The following FMN2 variants were observed in gnomAD, a reference collection of about 807,000 sequenced individuals.
The protein encoded by FMN2 is formin-2.
A neutral mutation model predicts 142.3 loss-of-function variants in FMN2; 51 were observed. The observed-to-expected ratio is 0.36, with a 90% CI of 0.29 to 0.45. The LOEUF (loss-of-function observed/expected upper bound fraction) is 0.45, where lower values mean the gene tolerates loss of function less well. FMN2 is among the 20% of genes least tolerant of loss of function. The probability of loss-of-function intolerance (pLI) is 1.00; values close to 1 mark genes in which losing one functional copy is unlikely to be tolerated. For synonymous variants in FMN2, 882 were observed against 869.8 expected (o/e 1.01, Z -0.25); for missense variants, 1,936 against 2,122.8 (o/e 0.91, Z 1.73).
In FMN2 at chr1:240,222,014, AT is replaced by A. The variant is rs71170722; in HGVS notation, c.4065+10795del. Among the ~76,000 whole-genome samples, 728 of 129,728 alleles carry A rather than the reference AT, an allele frequency of 5.6e-3. 5 individuals are homozygous for A. The highest frequency in any genetic ancestry group is 0.028 in the South Asian group (111 of 3,910). The allele number at this position is 129,728 out of a possible 152,430, so 85.1% of individuals were successfully genotyped here. A position where few individuals can be genotyped will look rare whatever the true frequency, so the allele number is the denominator to read the frequency against. On this transcript the variant is annotated intron_variant, in intron 6 of 17. Coordinates refer to ENST00000319653, the MANE Select transcript of FMN2 (RefSeq NM_020066.5). ...AGGTGCCCACCAACACACCCAGCTA[AT>A]TTTTTTTTTTTTTTTGTATTTTTAG...
chr1:240,094,989 A>G (rs1424845215), intron 1 of FMN2, among the ~76,000 whole-genome samples: 1 of 152,160 alleles, frequency 6.6e-6, no homozygotes, highest in African/African-American at 2.4e-5. Context: ...CATTCATTTC[A>G]CATACTCTTA....
chr1:240,219,684 T>C (rs1667034471), intron 6 of FMN2, among the ~76,000 whole-genome samples: 1 of 152,112 alleles, frequency 6.6e-6, no homozygotes, highest in African/African-American at 2.4e-5. Context: ...AGACGGGGTC[T>C]CACTCTGTCT....
chr1:240,363,894 C>A (rs1466206018), intron 14 of FMN2, among the ~76,000 whole-genome samples: 2 of 152,090 alleles, frequency 1.3e-5, no homozygotes, highest in African/African-American at 4.8e-5. Flanking sequence ...GCTGCAGGAG[C>A]AAGCCTGGGA....
At position 240,344,291 on chromosome 1, in the gene FMN2, C is replaced by A. The variant is rs539305785; in HGVS notation, c.4765+10062C>A. ...GTAACTGTTTAGAATTTTCTGTAAT[C>A]TATGTATAAATGCTTCTTAATAAAA... On this transcript the variant is annotated intron_variant, in intron 13 of 17. Coordinates refer to ENST00000319653, the MANE Select transcript of FMN2 (RefSeq NM_020066.5). Among the ~76,000 whole-genome samples the A allele has an allele frequency of 2.0e-5, 3 of 152,300 alleles. No homozygotes were observed. The South Asian group carries it at 6.2e-4, about 32-fold the overall frequency.
At chr1:240,098,108 T>TTTTTTTTTTTTTTTTTC (rs1661282173) in intron 1 of FMN2, among the ~76,000 whole-genome samples, 1 of 146,656 alleles carries the variant, frequency 6.8e-6, no homozygotes, top group African/African-American at 2.6e-5. Context: ...TTTTTTTTTT[T>TTTTTTTTTTTTTTTTTC]TTTTTTTTTT....
chr1:240,270,148 A>G (rs988222155), intron 7 of FMN2, among the ~76,000 whole-genome samples: 19 of 152,080 alleles, frequency 1.2e-4, no homozygotes, highest in African/African-American at 4.6e-4. Flanking sequence ...ACCATTGAGT[A>G]TCCTGTTAGC....
In FMN2 at chr1:240,229,844, C is replaced by T. The variant is rs571172678; in HGVS notation, c.4065+18609C>T. Among the ~76,000 whole-genome samples the T allele has an allele frequency of 6.2e-5, 8 of 129,668 alleles. 1 individual carries two copies. Among genetic ancestry groups the T allele is most frequent in the Non-Finnish European group, 1.3e-4 (8 of 62,436 alleles). 85.1% of individuals were successfully genotyped at this position (129,668 alleles called of 152,430 possible). ...GTATTTTAGTAGAGACAGGGTTTCA[C>T]CATGTTGGTCAGGCTGGTCTCGAAC... On this transcript the variant is annotated intron_variant, in intron 6 of 17. Transcript: ENST00000319653.
chr1:240,272,804 T>C (rs1669064477), intron 7 of FMN2, among the ~76,000 whole-genome samples: 1 of 152,206 alleles, frequency 6.6e-6, no homozygotes, highest in South Asian at 2.1e-4. Context: ...TGCTGTTGAC[T>C]ATCTTGCATC....
chr1:240,151,246 T>C (rs1267014867), intron 2 of FMN2, among the ~76,000 whole-genome samples: 1 of 152,206 alleles, frequency 6.6e-6, no homozygotes, highest in Non-Finnish European at 1.5e-5. Flanking sequence ...GGCTATATAG[T>C]CTACTAATGG....
chr1:240,203,926 C>T (rs1297642584), intron 4 of FMN2, among the ~76,000 whole-genome samples: 1 of 152,004 alleles, frequency 6.6e-6, no homozygotes, highest in Non-Finnish European at 1.5e-5. Context: ...ACACAAAATA[C>T]AAACTGTGCA....
intron 13 of FMN2, among the ~76,000 whole-genome samples, chr1:240,354,516 TA>T (rs1184931078): frequency 6.6e-6 from 1 of 152,140 alleles, no homozygotes; most frequent in Non-Finnish European, 1.5e-5. Flanking sequence ...AGATACAGGT[TA>T]GAAATTCTCC....
intron 1 of FMN2, among the ~76,000 whole-genome samples, chr1:240,111,766 C>T (rs945674658): frequency 2.6e-5 from 4 of 152,070 alleles, no homozygotes; most frequent in Non-Finnish European, 5.9e-5. Context: ...CTCATTTTAC[C>T]CAGCCTCTAT....
chr1:240,362,584 C>T (rs1229761192), intron 14 of FMN2, among the ~76,000 whole-genome samples: 1 of 152,012 alleles, frequency 6.6e-6, no homozygotes. Flanking sequence ...AACATATTAT[C>T]GCTGAACTAT....
intron 7 of FMN2, among the ~76,000 whole-genome samples, chr1:240,282,749 G>A (rs1472257924): frequency 6.6e-6 from 1 of 152,284 alleles, no homozygotes; most frequent in South Asian, 2.1e-4. Context: ...TCTTATCATC[G>A]AGTGTAAAAT....
chr1:240,350,141 A>T (rs1572218792), intron 13 of FMN2, among the ~76,000 whole-genome samples: 1 of 152,222 alleles, frequency 6.6e-6, no homozygotes, highest in Non-Finnish European at 1.5e-5. Context: ...TACAAAATAT[A>T]TGAGAGTTAT....
chr1:240,377,508 C>T (rs998682888), intron 14 of FMN2, among the ~76,000 whole-genome samples: 15 of 152,112 alleles, frequency 9.9e-5, no homozygotes, highest in Non-Finnish European at 1.9e-4. Flanking sequence ...ATTATATTAG[C>T]AGTGCTGTGT....
rs147096341 is a variant in FMN2 at position 240,263,950 on chromosome 1, A to G, written c.4153+5918A>G. ...TTTCTATCCTGTTTAAACATGATTT[A>G]TGAAAATCATATATCTTAAAATTTA... is the stretch of plus-strand genomic sequence containing the variant. On this transcript the variant is annotated intron_variant, in intron 7 of 17. Coordinates refer to ENST00000319653, the MANE Select transcript of FMN2 (RefSeq NM_020066.5). Among the ~76,000 whole-genome samples, 1,247 of 152,306 alleles carry G rather than the reference A, an allele frequency of 8.2e-3. 20 individuals are homozygous for G. The highest frequency in any genetic ancestry group is 0.028 in the African/African-American group (1,164 of 41,564).
At chr1:240,348,141 C>G (rs544111338) in intron 13 of FMN2, among the ~76,000 whole-genome samples, 1 of 152,056 alleles carries the variant, frequency 6.6e-6, no homozygotes, top group Non-Finnish European at 1.5e-5. Flanking sequence ...TCCACAGTGG[C>G]TGGACTAATT....
chr1:240,260,018 C>T (rs143945232), intron 7 of FMN2, among the ~76,000 whole-genome samples: 17 of 152,250 alleles, frequency 1.1e-4, no homozygotes, highest in African/African-American at 3.9e-4. Context: ...TTTTCCATTC[C>T]TGAGTTACTT....
Sources: gnomAD v4.1 joint callset for allele counts (sites outside exome capture counted in the v4.1 genomes callset) on GRCh38, gnomAD v4.1.1 for gene constraint, MANE v1.5 for transcripts, NCBI Gene and HGNC (gene_info 2026-07-23, HGNC 2026-07-21) for gene names.